Variants in AKAP6 observed in about 807,000 individuals in gnomAD.
AKAP6 encodes A-kinase anchoring protein 6.
Under a neutral mutation model 188.5 loss-of-function variants are expected in AKAP6, and 58 were observed. That is an observed-to-expected ratio of 0.31 (90% CI 0.25 to 0.38). The LOEUF is 0.38. AKAP6 is among the 10% of genes least tolerant of loss of function. The pLI, the probability that AKAP6 is intolerant of heterozygous loss-of-function variation, is 1.00. For missense variants in AKAP6, 2,710 were observed against 2,740.0 expected, an observed-to-expected ratio of 0.99 and a Z score of 0.24; for synonymous variants, 989 against 998.6, an observed-to-expected ratio of 0.99 and a Z score of 0.18.
intron 1 of AKAP6, among the ~76,000 whole-genome samples, chr14:32,371,156 T>C (rs183272951): frequency 6.6e-6 from 1 of 152,288 alleles, no homozygotes; most frequent in Admixed American, 6.5e-5. Context: ...ACATCATAAG[T>C]AAGACATATG....
intron 8 of AKAP6, among the ~76,000 whole-genome samples, chr14:32,681,995 A>C (rs1311951459): frequency 5.3e-5 from 8 of 152,236 alleles, no homozygotes; most frequent in Non-Finnish European, 1.5e-5. Context: ...TCAGAAGCTC[A>C]CAGTTTGTTA....
chr14:32,618,111 A>C (rs1886658815), intron 7 of AKAP6, among the ~76,000 whole-genome samples: 1 of 150,382 alleles, frequency 6.6e-6, no homozygotes, highest in Non-Finnish European at 1.5e-5. Context: ...ATATCTTTGC[A>C]TTTCACAGCC....
At chr14:32,532,804 C>A (rs569878274) in intron 2 of AKAP6, among the ~76,000 whole-genome samples, 67 of 152,196 alleles carry the variant, frequency 4.4e-4, no homozygotes, top group African/African-American at 1.5e-3. Flanking sequence ...GAGACTACTG[C>A]CAAGATAGTA....
rs181074283 is a variant in AKAP6, at chr14:32,672,514, A to G, written c.2731-5797A>G. 4.6e-3 allele frequency among the ~76,000 whole-genome samples: 700 copies of G among 152,282 alleles called. 6 individuals are homozygous for G. The highest frequency in any genetic ancestry group is 0.016 in the African/African-American group (649 of 41,562). ...TTCTCATATGGCTGTTCCTCTGTGCATGCACACTTCTGGTATCTCTTCCTC... is the reference window on the plus strand; with the variant it reads ...TTCTCATATGGCTGTTCCTCTGTGCGTGCACACTTCTGGTATCTCTTCCTC... On this transcript the variant is annotated intron_variant, in intron 7 of 13. Coordinates refer to ENST00000280979, the MANE Select transcript of AKAP6 (RefSeq NM_004274.5).
chr14:32,800,890 A>T (rs1398986691), intron 12 of AKAP6, among the ~76,000 whole-genome samples: 5 of 152,182 alleles, frequency 3.3e-5, no homozygotes, highest in Non-Finnish European at 1.5e-5. Context: ...AGTGGTGCAT[A>T]CCTGTGGTCT....
chr14:32,662,023 A>T (rs1888721781), intron 7 of AKAP6, among the ~76,000 whole-genome samples: 1 of 152,142 alleles, frequency 6.6e-6, no homozygotes, highest in South Asian at 2.1e-4. Flanking sequence ...CTAGGTACCT[A>T]GTGAACAGTG....
intron 1 of AKAP6, among the ~76,000 whole-genome samples, chr14:32,371,229 C>A (rs3927446): frequency 0.93 from 140,899 of 152,250 alleles, 65,559 homozygotes; most frequent in East Asian, 1. Context: ...ACACATATGT[C>A]AAAAGTCACC....
At position 32,609,220 on chromosome 14, in the gene AKAP6, A is replaced by G. The variant is rs139746810; in HGVS notation, c.2730+8428A>G. Among the ~76,000 whole-genome samples the G allele has an allele frequency of 4.4e-3, 663 of 152,204 alleles. 4 individuals are homozygous for G. Among genetic ancestry groups the G allele is most frequent in the African/African-American group, 0.016 (644 of 41,530 alleles). On this transcript the variant is annotated intron_variant, in intron 7 of 13. Transcript: ENST00000280979. ...TGCTTGTTTAACTTTTCTCACACCC[A>G]GAGTACCTCTCCCATCTAGTGTAGT...
chr14:32,801,783 G>A (rs924732726), intron 12 of AKAP6, among the ~76,000 whole-genome samples: 12 of 152,104 alleles, frequency 7.9e-5, no homozygotes, highest in Admixed American at 7.9e-4. Flanking sequence ...TGGAATTATA[G>A]TTTGGTGGTT....
At chr14:32,714,054 G>A (rs2030044683) in intron 9 of AKAP6, among the ~76,000 whole-genome samples, 1 of 151,904 alleles carries the variant, frequency 6.6e-6, no homozygotes, top group Non-Finnish European at 1.5e-5. Flanking sequence ...TTATTACTTG[G>A]CCGCATTTCA....
intron 7 of AKAP6, among the ~76,000 whole-genome samples, chr14:32,615,442 G>A (rs1343834453): frequency 2.7e-5 from 4 of 150,528 alleles, no homozygotes; most frequent in Admixed American, 2.6e-4. Flanking sequence ...TCTAGTTGGA[G>A]CTGAAATTTT....
intron 1 of AKAP6, among the ~76,000 whole-genome samples, chr14:32,426,286 G>C (rs1890029155): frequency 6.6e-6 from 1 of 152,102 alleles, no homozygotes; most frequent in African/African-American, 2.4e-5. Context: ...GTATGTGTTT[G>C]GGTTAGGGAG....
chr14:32,435,359 A>T (rs1367185264), intron 2 of AKAP6, among the ~76,000 whole-genome samples: 1 of 152,242 alleles, frequency 6.6e-6, no homozygotes, highest in Non-Finnish European at 1.5e-5. Context: ...GGCTATTAAA[A>T]ACATTAATGA....
chr14:32,811,851 A>G (rs1410792907), intron 12 of AKAP6, among the ~76,000 whole-genome samples: 1 of 152,168 alleles, frequency 6.6e-6, no homozygotes, highest in Non-Finnish European at 1.5e-5. Flanking sequence ...CATGCCAAGA[A>G]TCTTGTGTTC....
At chr14:32,510,347 T>G (rs1881112278) in intron 2 of AKAP6, among the ~76,000 whole-genome samples, 1 of 137,240 alleles carries the variant, frequency 7.3e-6, no homozygotes, top group East Asian at 2.0e-4. Flanking sequence ...TAAGTAAACA[T>G]ATGGATACAT....
intron 12 of AKAP6, among the ~76,000 whole-genome samples, chr14:32,807,249 G>A (rs2034114689): frequency 6.7e-6 from 1 of 149,960 alleles, no homozygotes; most frequent in South Asian, 2.1e-4. Context: ...TTGCCTGAGT[G>A]CAGGAGCTCA....
Position 32,831,148 on chromosome 14 carries a change from T to C in AKAP6, c.*1343T>C, listed in dbSNP as rs568630294. On this transcript the variant is annotated 3_prime_UTR_variant, in exon 14 of 14. Transcript: ENST00000280979. ...AAATATTTATTTTGAATGAGTTTGA[T>C]AGAAAGCTAGTAGAAAAGTACAGAA... 6.6e-6 allele frequency: 1 copy of C among 152,336 alleles called. No homozygotes were observed. The highest frequency in any genetic ancestry group is 2.1e-4 in the South Asian group (1 of 4,832). 9.4% of individuals were successfully genotyped at this position (152,336 alleles called of 1,614,324 possible). A position where few individuals can be genotyped will look rare whatever the true frequency, so the allele number is the denominator to read the frequency against.
At chr14:32,554,149 G>A (rs1883596266) in intron 4 of AKAP6, among the ~76,000 whole-genome samples, 1 of 152,232 alleles carries the variant, frequency 6.6e-6, no homozygotes, top group African/African-American at 2.4e-5. Context: ...CCCAATACCT[G>A]CTTTTTAAAA....
chr14:32,475,138 C>A (rs1199340853), intron 2 of AKAP6, among the ~76,000 whole-genome samples: 1 of 152,164 alleles, frequency 6.6e-6, no homozygotes, highest in Admixed American at 6.5e-5. Context: ...TCACAGTGAA[C>A]CTTTGTTCAG....
Sources: allele counts gnomAD v4.1 joint callset (sites outside exome capture counted in the v4.1 genomes callset), GRCh38; gene constraint gnomAD v4.1.1; transcripts MANE v1.5; gene names NCBI Gene and HGNC (gene_info 2026-07-23, HGNC 2026-07-21).